PFKFB1: variants seen among roughly 807,000 people sequenced by gnomAD.
PFKFB1 encodes the protein 6-phosphofructo-2-kinase/fructose-2,6-bisphosphatase 1.
In PFKFB1, 34 loss-of-function variants were observed where a neutral mutation model predicts 46.4. The observed-to-expected ratio is 0.73, with a 90% CI of 0.56 to 0.98. The LOEUF is 0.98. Among genes scored for constraint, PFKFB1 ranks in the 50% least tolerant of loss-of-function variants. PFKFB1 has a pLI of 0.00. For missense variants in PFKFB1, 393 were observed against 376.3 expected (o/e 1.04, Z -0.37); for synonymous variants, 119 against 133.8 (o/e 0.89, Z 0.76).
rs1409934050 is a variant in PFKFB1, at chrX:54,971,129, T to C, written c.98-7747A>G. On this transcript the variant is annotated intron_variant, in intron 1 of 13. Transcript: ENST00000375006. Reference sequence around the variant, plus strand: ...TTCATGTGTTTTTTGGCTGCATAAATGTCTTCTTTTGAGAAGTGTCTGTTG... The same window carrying C: ...TTCATGTGTTTTTTGGCTGCATAAACGTCTTCTTTTGAGAAGTGTCTGTTG... Among the ~76,000 whole-genome samples the C allele has an allele frequency of 4.5e-4, 12 of 26,677 alleles. 1 individual carries two copies. Among genetic ancestry groups the C allele is most frequent in the African/African-American group, 1.9e-3 (12 of 6,267 alleles). 23.2% of individuals were successfully genotyped at this position (26,677 alleles called of 115,157 possible). A position where few individuals can be genotyped will look rare whatever the true frequency, so the allele number is the denominator to read the frequency against.
intron 1 of PFKFB1, among the ~76,000 whole-genome samples, chrX:54,968,834 T>C (rs1422656709): frequency 1.8e-5 from 2 of 110,976 alleles, no homozygotes; most frequent in East Asian, 5.7e-4. Flanking sequence ...AATCTCTCTA[T>C]GAAACTAGAA....
intron 1 of PFKFB1, among the ~76,000 whole-genome samples, chrX:54,977,210 T>C (rs1934862055): frequency 9.0e-6 from 1 of 111,176 alleles, no homozygotes; most frequent in Non-Finnish European, 1.9e-5. Flanking sequence ...AGTATATATA[T>C]CATAATCTCA....
At chrX:54,979,794 C>T (rs1435021457) in intron 1 of PFKFB1, among the ~76,000 whole-genome samples, 1 of 111,453 alleles carries the variant, frequency 9.0e-6, no homozygotes, top group African/African-American at 3.3e-5. Flanking sequence ...TGTTTTTAAC[C>T]CATAAAATAA....
intron 1 of PFKFB1, among the ~76,000 whole-genome samples, chrX:54,993,625 G>A (rs754857200): frequency 8.9e-6 from 1 of 112,304 alleles, no homozygotes; most frequent in Non-Finnish European, 1.9e-5. Context: ...CAAACAAGAA[G>A]CATTCCAAAC....
rs181545099 is a variant in PFKFB1 at position 54,966,009 on chromosome X, G to A, written c.98-2627C>T. ...AGAAAAAAAGAGGGAAAAAGGAAAC[G>A]AAAGCCAAATACAGTAAATAGAAAA... On this transcript the variant is annotated intron_variant, in intron 1 of 13. Transcript: ENST00000375006. Among the ~76,000 whole-genome samples the A allele has an allele frequency of 1.1e-3, 127 of 110,589 alleles. 1 individual carries two copies. The East Asian group carries it at 0.018, about 16-fold the overall frequency.
intron 1 of PFKFB1, among the ~76,000 whole-genome samples, chrX:54,969,159 T>C (rs1046310271): frequency 4.5e-5 from 5 of 111,420 alleles, no homozygotes; most frequent in African/African-American, 1.3e-4. Flanking sequence ...TGGAACTTAA[T>C]CTCCAATGCA....
chrX:54,974,112 C>T (rs151088170), intron 1 of PFKFB1, among the ~76,000 whole-genome samples: 1,316 of 111,320 alleles, frequency 0.012, 20 homozygotes, highest in African/African-American at 0.042. Context: ...TATAGACAAG[C>T]TGATCCTGAA....
chrX:54,950,193 C>T (rs764940809), intron 8 of PFKFB1, among the ~76,000 whole-genome samples: 2 of 112,509 alleles, frequency 1.8e-5, no homozygotes, highest in African/African-American at 3.2e-5. Flanking sequence ...CAGCTATAGG[C>T]GTTTCATACA....
chrX:54,986,200 C>T (rs922848893), intron 1 of PFKFB1, among the ~76,000 whole-genome samples: 2 of 112,017 alleles, frequency 1.8e-5, no homozygotes, highest in African/African-American at 6.5e-5. Flanking sequence ...GCCTATAATC[C>T]GAGCACTTTG....
chrX:54,975,226 G>A (rs1379006888), intron 1 of PFKFB1, among the ~76,000 whole-genome samples: 1 of 110,785 alleles, frequency 9.0e-6, no homozygotes, highest in African/African-American at 3.3e-5. Flanking sequence ...TCCAACGAGT[G>A]GATAAAGAAA....
chrX:54,933,963 C>T (rs1933305686), intron 12 of PFKFB1, 78 bp from the exon 13 acceptor site: 6 of 765,708 alleles, frequency 7.8e-6, no homozygotes, highest in Middle Eastern at 2.9e-4. Flanking sequence ...CCTCCCCTCC[C>T]CCATCACCAG....
chrX:54,981,619 G>A, intron 1 of PFKFB1, among the ~76,000 whole-genome samples: 1 of 111,396 alleles, frequency 9.0e-6, no homozygotes, highest in Non-Finnish European at 1.9e-5. Flanking sequence ...AAAAGAAAGG[G>A]CTAAGAGACA....
intron 10 of PFKFB1, among the ~76,000 whole-genome samples, chrX:54,941,089 A>T (rs1369385977): frequency 8.9e-6 from 1 of 111,867 alleles, no homozygotes; most frequent in South Asian, 3.8e-4. Context: ...ATAATGCTGC[A>T]TATCTACAAC....
At chrX:54,944,092 A>T (rs1374732650) in intron 10 of PFKFB1, among the ~76,000 whole-genome samples, 2 of 111,762 alleles carry the variant, frequency 1.8e-5, no homozygotes, top group African/African-American at 6.5e-5. Flanking sequence ...TGAATATTAA[A>T]ATGTTAAGGA....
intron 10 of PFKFB1, among the ~76,000 whole-genome samples, chrX:54,941,600 CT>C (rs1933636932): frequency 8.9e-6 from 1 of 112,267 alleles, no homozygotes; most frequent in Non-Finnish European, 1.9e-5. Context: ...ATAGACACTT[CT>C]CAAAAGAAGA....
upstream of PFKFB1, chrX:54,994,913 G>A (rs1412805664): frequency 4.3e-6 from 3 of 702,623 alleles, no homozygotes; most frequent in Admixed American, 8.7e-5. Flanking sequence ...CTGCCCACAT[G>A]GCTGTTAGCC....
At chrX:54,997,014 T>A (rs764770738), upstream of PFKFB1, among the ~76,000 whole-genome samples, 4 of 111,761 alleles carry the variant, frequency 3.6e-5, no homozygotes, top group Non-Finnish European at 5.6e-5. Context: ...TCCTTGAGTA[T>A]GGAGACTAGA....
chrX:54,977,568 T>C (rs182606903), intron 1 of PFKFB1, among the ~76,000 whole-genome samples: 127 of 111,559 alleles, frequency 1.1e-3, no homozygotes, highest in African/African-American at 4.0e-3. Flanking sequence ...TATTAACTCA[T>C]GTTTATTTTT....
At chrX:54,978,382 G>C (rs1016553465) in intron 1 of PFKFB1, among the ~76,000 whole-genome samples, 1 of 111,180 alleles carries the variant, frequency 9.0e-6, no homozygotes, top group African/African-American at 3.3e-5. Flanking sequence ...AATAAATAAG[G>C]GAAGCAGAAA....
Sources: allele counts gnomAD v4.1 joint callset (sites outside exome capture counted in the v4.1 genomes callset), GRCh38; gene constraint gnomAD v4.1.1; transcripts MANE v1.5; gene names NCBI Gene and HGNC (gene_info 2026-07-23, HGNC 2026-07-21).